MAG: variants seen among roughly 807,000 people sequenced by gnomAD.
The protein encoded by MAG is myelin-associated glycoprotein.
MAG carries 30 observed loss-of-function variants against 60.7 expected under a neutral mutation model. The ratio of observed to expected loss-of-function variants is 0.49; its 90% CI spans 0.37 to 0.67. MAG has a LOEUF of 0.67. MAG is among the 30% of genes least tolerant of loss of function. The pLI is 0.00. For synonymous variants in MAG, 384 were observed against 376.8 expected, an observed-to-expected ratio of 1.02 and a Z score of -0.22; for missense variants, 795 against 851.7, an observed-to-expected ratio of 0.93 and a Z score of 0.83.
In MAG at chr19:35,310,081, C is replaced by T. The variant is rs1414006569; in HGVS notation, c.1439C>T (p.Ala480Val). Residue 480 changes from alanine (A) to valine (V), a missense_variant, in exon 8 of 11, where the codon GCC becomes GTC. Ala to Val is a moderately conservative substitution (Grantham distance 64, BLOSUM62 0). Transcript: ENST00000392213. ...AGCATCCTCACGCTGCGGGGGCAGG[C>T]CCAGGCCCCGCCCCGCGTCATCTGC... ...LTSILTLRGQ[A>V]QAPPRVICTA... 1 of 1,613,018 alleles carries T rather than the reference C, an allele frequency of 6.2e-7. No homozygotes were observed.
intron 4 of MAG, among the ~76,000 whole-genome samples, chr19:35,297,502 AACACACACC>A (rs201253076): frequency 0.016 from 1,910 of 116,348 alleles, 17 homozygotes; most frequent in Middle Eastern, 0.081. Context: ...CACCACACCA[AACACACACC>A]ACACACACCA....
At chr19:35,305,467 C>A (rs2066477138) in intron 7 of MAG, among the ~76,000 whole-genome samples, 1 of 152,122 alleles carries the variant, frequency 6.6e-6, no homozygotes, top group African/African-American at 2.4e-5. Flanking sequence ...GGGGAGGGTA[C>A]CATTCTTCAA....
At chr19:35,310,410 C>A (rs1427586794) in intron 8 of MAG, 137 bp from the exon 9 acceptor site, 1 of 845,536 alleles carries the variant, frequency 1.2e-6, no homozygotes, top group African/African-American at 1.7e-5. Context: ...CGAGGAGGCT[C>A]CGTGCCAATC....
At position 35,300,274 on chromosome 19, in the gene MAG, C is replaced by T. The variant is rs563566453; in HGVS notation, c.840C>T (p.Leu280=). ...LLTWMRDGTV[L]REAVAESLLL... Reference sequence around the variant, plus strand: ...CCTGGATGCGGGACGGGACAGTCCTCCGGGAGGCGGTGGCCGAGAGCCTGC... The same window carrying T: ...CCTGGATGCGGGACGGGACAGTCCTTCGGGAGGCGGTGGCCGAGAGCCTGC... The change falls in exon 6 of 11, where the codon CTC becomes CTT. Residue 280 remains leucine, a synonymous_variant. Transcript: ENST00000392213. The T allele has an allele frequency of 4.4e-6, 7 of 1,598,954 alleles. No homozygotes were observed. The highest frequency in any genetic ancestry group is 5.9e-6 in the Non-Finnish European group (7 of 1,178,420).
At chr19:35,311,465 A>G (rs1303759404) in intron 9 of MAG, among the ~76,000 whole-genome samples, 1 of 151,826 alleles carries the variant, frequency 6.6e-6, no homozygotes, top group South Asian at 2.1e-4. Context: ...CCCTGTCTCT[A>G]AAAACAAACA....
rs756067510 is a variant in MAG, at chr19:35,299,594, C to A, written c.456C>A (p.Gly152=). 6 of 1,604,680 alleles carry A rather than the reference C, an allele frequency of 3.7e-6. No homozygotes were observed. The highest frequency in any genetic ancestry group is 5.1e-6 in the Non-Finnish European group (6 of 1,173,676). Residue 152 remains glycine, a synonymous_variant, in exon 5 of 11, where the codon GGC becomes GGA. Transcript: ENST00000392213. ...TGGTGCCCCCAGAGGTGGTGGCAGGCACGGAGGTGGAGGTCAGCTGCATGG... is the reference window on the plus strand; with the variant it reads ...TGGTGCCCCCAGAGGTGGTGGCAGGAACGGAGGTGGAGGTCAGCTGCATGG... ...NIVVPPEVVA[G]TEVEVSCMVP...
At chr19:35,306,501 G>C (rs1461430787) in intron 7 of MAG, among the ~76,000 whole-genome samples, 1 of 152,116 alleles carries the variant, frequency 6.6e-6, no homozygotes, top group African/African-American at 2.4e-5. Context: ...GCAGTGGTTT[G>C]ATCATCGCTC....
rs374238503 is a variant in MAG at position 35,295,686 on chromosome 19, C to A, written c.120C>A (p.Ile40=). ...CCTTCGAAGGCACGTGCGTCTCCAT[C>A]CCCTGCCGCTTTGACTTCCCGGATG... ...ISAFEGTCVS[I]PCRFDFPDEL... Residue 40 remains isoleucine, a synonymous_variant, in exon 4 of 11, where the codon ATC becomes ATA. Transcript: ENST00000392213. The surrounding 1 kb of genome is among the most constrained non-coding windows in gnomAD (Gnocchi z 5.8). 1 of 1,613,126 alleles carries A rather than the reference C, an allele frequency of 6.2e-7. No individual in the cohort carries two copies. The highest frequency in any genetic ancestry group is 1.1e-5 in the South Asian group (1 of 91,084).
intron 7 of MAG, among the ~76,000 whole-genome samples, chr19:35,309,024 G>A (rs2066505182): frequency 6.6e-6 from 1 of 152,196 alleles, no homozygotes; most frequent in Non-Finnish European, 1.5e-5. Flanking sequence ...CGGAGCAACA[G>A]AAGGAGGGTT....
chr19:35,312,064 CA>C lies in MAG; in HGVS notation c.1716+48del, dbSNP rs1418405055. ...GGCCTGGGAACCTGGATGCCAGGGACACTGAAGGCCTGGGAAAGGCCTGTGA... is the reference window on the plus strand; with the variant it reads ...GGCCTGGGAACCTGGATGCCAGGGACCTGAAGGCCTGGGAAAGGCCTGTGA... On this transcript the variant is annotated intron_variant, in intron 10 of 10. Transcript: ENST00000392213. The C allele has an allele frequency of 5.8e-6, 9 of 1,555,056 alleles. No individual in the cohort carries two copies. In the African/African-American group the frequency reaches 8.2e-5, roughly 14 times the overall value.
chr19:35,309,498 G>A (rs1314371189), intron 7 of MAG, among the ~76,000 whole-genome samples: 1 of 151,988 alleles, frequency 6.6e-6, no homozygotes, highest in Admixed American at 6.6e-5. Context: ...GTAACCTCTC[G>A]TACTCCTGAC....
In MAG at chr19:35,309,988, G is replaced by T; in HGVS notation, c.1346G>T (p.Arg449Leu). The change falls in exon 8 of 11, where the codon CGC becomes CTC. Residue 449 changes from arginine (R) to leucine (L), a missense_variant. Transcript: ENST00000392213. ...EPSVAFELPS[R>L]NVTVNESERE... ...TCCGTGGCCTTTGAGCTGCCATCGCGCAATGTGACCGTGAACGAGAGCGAG... is the reference window on the plus strand; with the variant it reads ...TCCGTGGCCTTTGAGCTGCCATCGCTCAATGTGACCGTGAACGAGAGCGAG... 1 of 1,614,052 alleles carries T rather than the reference G, an allele frequency of 6.2e-7. No homozygotes were observed. Among genetic ancestry groups the T allele is most frequent in the Non-Finnish European group, 8.5e-7 (1 of 1,179,946 alleles).
intron 7 of MAG, 68 bp from the exon 8 acceptor site, chr19:35,309,806 A>G: frequency 6.5e-7 from 1 of 1,547,044 alleles, no homozygotes; most frequent in Non-Finnish European, 8.7e-7. Flanking sequence ...GCCTTGAGCC[A>G]AGGAGTCTCC....
intron 4 of MAG, among the ~76,000 whole-genome samples, chr19:35,296,425 C>G (rs1253479140): frequency 6.6e-6 from 1 of 152,176 alleles, no homozygotes; most frequent in Non-Finnish European, 1.5e-5. Flanking sequence ...CACGTGGCCC[C>G]CAGCTCTGGC....
At position 35,305,648 on chromosome 19, in the gene MAG, A is replaced by T. The variant is rs1293131914; in HGVS notation, c.1231+2940A>T. On this transcript the variant is annotated intron_variant, in intron 7 of 10. Coordinates refer to ENST00000392213, the MANE Select transcript of MAG (RefSeq NM_002361.4). ...TTCATAACAGTATCTTACCACAAAG[A>T]TGGCTGTGAGAACTAAGAGAATTAG... 6.6e-5 allele frequency among the ~76,000 whole-genome samples: 10 copies of T among 152,184 alleles called. No homozygotes were observed. In the East Asian group the frequency reaches 1.9e-3, roughly 29 times the overall value.
intron 1 of MAG, 87 bp downstream of exon 1, chr19:35,292,291 G>A (rs548109291): frequency 4.4e-6 from 2 of 455,622 alleles, no homozygotes; most frequent in East Asian, 1.4e-4. Context: ...AGGTGCTCTG[G>A]GTGAGGGAGC....
Position 35,295,987 on chromosome 19 carries a change from T to A in MAG, c.415+6T>A. On this transcript the variant is annotated splice_donor_region_variant and intron_variant, in intron 4 of 10. Coordinates refer to ENST00000392213, the MANE Select transcript of MAG (RefSeq NM_002361.4). The surrounding 1 kb of genome is among the most constrained non-coding windows in gnomAD (Gnocchi z 5.8). ...CAGCGTCCTGGATATCGTCAGTGAG[T>A]CCCCAGCGGTTGTGCAGGCACCGGG... 1 of 1,557,188 alleles carries A rather than the reference T, an allele frequency of 6.4e-7. No individual in the cohort carries two copies. The highest frequency in any genetic ancestry group is 8.7e-7 in the Non-Finnish European group (1 of 1,149,480).
chr19:35,304,519 G>T (rs1220709666), intron 7 of MAG, among the ~76,000 whole-genome samples: 1 of 151,936 alleles, frequency 6.6e-6, no homozygotes, highest in African/African-American at 2.4e-5. Context: ...CTGTTTTCTG[G>T]TTCAGTTCTT....
intron 7 of MAG, among the ~76,000 whole-genome samples, chr19:35,306,254 T>C (rs1399144846): frequency 6.9e-6 from 1 of 145,054 alleles, no homozygotes; most frequent in Non-Finnish European, 1.5e-5. Context: ...TGAGTGTTCA[T>C]AGTGCTACAT....
Sources: gnomAD v4.1 joint callset for allele counts (sites outside exome capture counted in the v4.1 genomes callset) on GRCh38, gnomAD v4.1.1 for gene constraint, Gnocchi (gnomAD v3.1) non-coding constraint, MANE v1.5 for transcripts, NCBI Gene and HGNC (gene_info 2026-07-23, HGNC 2026-07-21) for gene names.